The following FYCO1 variants were observed in gnomAD, a reference collection of about 807,000 sequenced individuals.
The protein encoded by FYCO1 is FYVE and coiled-coil domain-containing protein 1.
Under a neutral mutation model 165.1 loss-of-function variants are expected in FYCO1, and 122 were observed. The ratio of observed to expected loss-of-function variants is 0.74; its 90% confidence interval spans 0.64 to 0.86. The LOEUF is 0.86. FYCO1 is among the 40% of genes least tolerant of loss of function. The pLI, the probability that FYCO1 is intolerant of heterozygous loss-of-function variation, is 0.00. For synonymous variants in FYCO1, 648 were observed against 742.5 expected (o/e 0.87, Z 2.07); for missense variants, 1,702 against 1,810.3 (o/e 0.94, Z 1.09).
At chr3:45,924,828 G>C (rs1333101324) in intron 16 of FYCO1, among the ~76,000 whole-genome samples, 1 of 152,112 alleles carries the variant, frequency 6.6e-6, no homozygotes, top group Non-Finnish European at 1.5e-5. Flanking sequence ...GGCCAGGTTG[G>C]TATCGAACTC....
intron 14 of FYCO1, chr3:45,938,127 C>G: frequency 2.2e-6 from 2 of 927,584 alleles, no homozygotes; most frequent in Non-Finnish European, 3.0e-6. Flanking sequence ...ATGTCCTAAT[C>G]TATAATTTCC....
At chr3:45,977,905 C>T (rs1706852920) in intron 4 of FYCO1, among the ~76,000 whole-genome samples, 2 of 152,158 alleles carry the variant, frequency 1.3e-5, no homozygotes, top group Admixed American at 1.3e-4. Flanking sequence ...ACCAGCAACT[C>T]ACTTAGCCTA....
At chr3:45,936,427 C>T in intron 15 of FYCO1, 21 bp downstream of exon 15, 5 of 1,579,884 alleles carry the variant, frequency 3.2e-6, no homozygotes, top group South Asian at 1.1e-5. Flanking sequence ...GGGGAGGGCC[C>T]AGGCAGCAGT....
chr3:45,966,988 CT>C lies in FYCO1; in HGVS notation c.2345del (p.Gln782ArgfsTer32), dbSNP rs775542878. 1.1e-5 allele frequency: 18 copies of C among 1,613,184 alleles called. No individual in the cohort carries two copies. Among genetic ancestry groups the C allele is most frequent in the Middle Eastern group, 1.6e-4 (1 of 6,062 alleles). ...ALSQAQLEVH[Q>X]GEVQRLQAQV... ...GAGCCTGCAGCCGTTGGACCTCCCCCTGATGGACTTCCAGCTGCGCCTGAGA... is the reference window on the plus strand; with the variant it reads ...GAGCCTGCAGCCGTTGGACCTCCCCCGATGGACTTCCAGCTGCGCCTGAGA... On this transcript the variant is annotated frameshift_variant, in exon 8 of 18. Transcript: ENST00000296137. LOFTEE classifies it high-confidence loss of function.
intron 16 of FYCO1, among the ~76,000 whole-genome samples, chr3:45,930,393 G>A (rs1703532266): frequency 1.3e-5 from 2 of 152,054 alleles, no homozygotes; most frequent in Non-Finnish European, 2.9e-5. Flanking sequence ...CCTGTGGTCT[G>A]GATTCCACCT....
chr3:45,966,585 C>T lies in FYCO1; in HGVS notation c.2749G>A (p.Val917Met), dbSNP rs373989195. Residue 917 changes from valine (V) to methionine (M), a missense_variant, in exon 8 of 18, where the codon GTG (valine) becomes ATG (methionine). By Grantham distance (21) the Val-to-Met change is conservative (BLOSUM62 1). Transcript: ENST00000296137. The stretch of plus-strand genomic sequence containing the variant: ...GCCTCCTCCACTCGCTCCTTTTCCA[C>T]GGTCAGTGCGCAAACCTGGATGCCC... ...ELGIQVCALTVEKERVEEALA... is the reference protein window; with the variant it reads ...ELGIQVCALTMEKERVEEALA... 201 of 1,614,102 alleles carry T rather than the reference C, an allele frequency of 1.2e-4. 1 individual carries two copies. Among genetic ancestry groups the T allele is most frequent in the Admixed American group, 4.0e-4 (24 of 60,012 alleles).
chr3:45,921,753 G>A lies in FYCO1; in HGVS notation c.*12C>T. The A allele has an allele frequency of 6.4e-7, 1 of 1,561,612 alleles. No homozygotes were observed. The highest frequency in any genetic ancestry group is 8.8e-7 in the Non-Finnish European group (1 of 1,132,072). On this transcript the variant is annotated 3_prime_UTR_variant, in exon 18 of 18. Coordinates refer to ENST00000296137, the MANE Select transcript of FYCO1 (RefSeq NM_024513.4). ...TTCCTGTGGATGAAGTGAAGTTACT[G>A]AGGTGCTGAAGCTACAGGAAATCAC...
At chr3:45,945,399 C>G (rs997032221) in intron 14 of FYCO1, 6 of 152,266 alleles carry the variant, frequency 3.9e-5, no homozygotes, top group African/African-American at 1.4e-4. Flanking sequence ...GCCGCAGCTG[C>G]CCCTGCTCCC....
intron 2 of FYCO1, among the ~76,000 whole-genome samples, chr3:45,984,198 ATC>A (rs1707202491): frequency 6.6e-6 from 1 of 152,244 alleles, no homozygotes; most frequent in Admixed American, 6.5e-5. Flanking sequence ...CTGGGACAGC[ATC>A]TGAAAGAGTG....
chr3:45,966,739 C>T lies in FYCO1; in HGVS notation c.2595G>A (p.Gln865=), dbSNP rs564495216. Residue 865 remains glutamine (Q), a synonymous_variant, in exon 8 of 18, where the codon CAG becomes CAA. Transcript: ENST00000296137. Reference sequence around the variant, plus strand: ...GCAGGGCCCGCAGCTCCTCCTCCCTCTGCTGGGCCTCATCGGCCCTCTCCT... The same window carrying T: ...GCAGGGCCCGCAGCTCCTCCTCCCTTTGCTGGGCCTCATCGGCCCTCTCCT... ...LQEERADEAQ[Q]REEELRALQE... is the part of the protein sequence containing the mutation. 1.2e-6 allele frequency: 2 copies of T among 1,611,706 alleles called. No individual in the cohort carries two copies. The highest frequency in any genetic ancestry group is 2.2e-5 in the East Asian group (1 of 44,876).
intron 3 of FYCO1, 115 bp from the exon 4 acceptor site, chr3:45,979,945 T>A: frequency 1.6e-6 from 2 of 1,266,486 alleles, no homozygotes; most frequent in Non-Finnish European, 2.3e-6. Flanking sequence ...GTGAGGCCCT[T>A]TATTGGCATT....
intron 14 of FYCO1, among the ~76,000 whole-genome samples, chr3:45,950,528 G>A (rs1704946181): frequency 6.6e-6 from 1 of 152,134 alleles, no homozygotes; most frequent in Non-Finnish European, 1.5e-5. Flanking sequence ...CGAAGAGGAT[G>A]GGGCCCAGAA....
chr3:45,938,192 TTACC>T, intron 14 of FYCO1: 1 of 1,287,936 alleles, frequency 7.8e-7, no homozygotes, highest in Non-Finnish European at 1.0e-6. Context: ...CAACGCCTGA[TTACC>T]TGCAAGCAGA....
chr3:45,963,983 C>T (rs1489527510), intron 10 of FYCO1, among the ~76,000 whole-genome samples: 2 of 152,144 alleles, frequency 1.3e-5, no homozygotes, highest in Admixed American at 1.3e-4. Flanking sequence ...CAGAGTCGGC[C>T]ACGTTTTCAG....
chr3:45,947,783 T>C (rs1399565251), intron 14 of FYCO1: 2 of 443,696 alleles, frequency 4.5e-6, no homozygotes, highest in East Asian at 4.3e-5. Flanking sequence ...GGATGACATG[T>C]GACTCCTATG....
rs1414620697 is a variant in FYCO1, at chr3:45,966,560, G to A, written c.2774C>T (p.Ala925Val). 2.5e-6 allele frequency: 4 copies of A among 1,614,212 alleles called. No individual in the cohort carries two copies. The highest frequency in any genetic ancestry group is 3.3e-5 in the Admixed American group (2 of 60,032). ...LTVEKERVEE[A>V]LACAVQELQD... ...GAGCTCCTGGACAGCACAGGCCAGTGCCTCCTCCACTCGCTCCTTTTCCAC... is the reference window on the plus strand; with the variant it reads ...GAGCTCCTGGACAGCACAGGCCAGTACCTCCTCCACTCGCTCCTTTTCCAC... Residue 925 changes from alanine to valine, a missense_variant, in exon 8 of 18, where the codon GCA (alanine) becomes GTA (valine). Physicochemically the swap from Ala to Val is moderately conservative, Grantham distance 64. Transcript: ENST00000296137.
intron 15 of FYCO1, among the ~76,000 whole-genome samples, chr3:45,933,140 T>C (rs965317454): frequency 6.6e-6 from 1 of 152,208 alleles, no homozygotes; most frequent in Non-Finnish European, 1.5e-5. Context: ...ATCAAAGGTT[T>C]GCTCAAATAT....
Position 45,966,823 on chromosome 3 carries a change from A to T in FYCO1, c.2511T>A (p.Leu837=), listed in dbSNP as rs1410961503. 2 of 1,610,876 alleles carry T rather than the reference A, an allele frequency of 1.2e-6. No individual in the cohort carries two copies. Among genetic ancestry groups the T allele is most frequent in the Non-Finnish European group, 1.7e-6 (2 of 1,180,000 alleles). The part of the protein sequence containing the change: ...VQQLKEQNEA[L]NRAHVQELLQ... ...GCAGCTCCTGGACATGGGCTCTGTT[A>T]AGGGCTTCATTCTGCTCCTTCAGCT... Residue 837 remains leucine, a synonymous_variant, in exon 8 of 18, where the codon CTT becomes CTA. Transcript: ENST00000296137.
intron 14 of FYCO1, chr3:45,946,498 A>T: frequency 6.2e-7 from 1 of 1,613,458 alleles, no homozygotes; most frequent in Non-Finnish European, 8.5e-7. Flanking sequence ...GAGCATGATT[A>T]CCATGAAGAC....
Sources: allele counts gnomAD v4.1 joint callset (sites outside exome capture counted in the v4.1 genomes callset), GRCh38; gene constraint gnomAD v4.1.1; transcripts MANE v1.5; gene names NCBI Gene and HGNC (gene_info 2026-07-23, HGNC 2026-07-21).